PCLO: variants seen among roughly 807,000 people sequenced by gnomAD.
The protein encoded by PCLO is piccolo presynaptic cytomatrix protein, also known as protein piccolo.
In PCLO, 82 loss-of-function variants were observed where a neutral mutation model predicts 427.5. The observed-to-expected ratio is 0.19, with a 90% CI of 0.16 to 0.23. PCLO has a LOEUF of 0.23. Ranked by LOEUF, PCLO falls within the 10% of genes least tolerant of loss-of-function variation. The probability of loss-of-function intolerance (pLI) is 1.00; values close to 1 mark genes in which losing one functional copy is unlikely to be tolerated. For missense variants in PCLO, 6,239 were observed against 6,115.9 expected (o/e 1.02, Z -0.67); for synonymous variants, 2,357 against 2,155.4 (o/e 1.09, Z -2.59).
At chr7:83,065,468 G>T (rs1583977295) in intron 3 of PCLO, among the ~76,000 whole-genome samples, 2 of 125,458 alleles carry the variant, frequency 1.6e-5, no homozygotes, top group Admixed American at 8.2e-5. Flanking sequence ...GTTCTCAAGA[G>T]AACACTTTCC....
intron 22 of PCLO, among the ~76,000 whole-genome samples, chr7:82,787,154 ATAACCAC>A (rs1791002083): frequency 6.6e-6 from 1 of 152,114 alleles, no homozygotes; most frequent in Non-Finnish European, 1.5e-5. Flanking sequence ...TCCTTGAGGA[ATAACCAC>A]ACTGTCTTCC....
In PCLO at chr7:82,953,850, C is replaced by T. The variant is rs2116442964; in HGVS notation, c.7103G>A (p.Gly2368Asp). 1 of 1,613,402 alleles carries T rather than the reference C, an allele frequency of 6.2e-7. No individual in the cohort carries two copies. Among genetic ancestry groups the T allele is most frequent in the East Asian group, 2.2e-5 (1 of 44,822 alleles). The change falls in exon 5 of 25, where the codon GGT (glycine) becomes GAT (aspartate). Residue 2368 changes from glycine to aspartate, a missense_variant. Physicochemically the swap from Gly to Asp is moderately conservative, Grantham distance 94. Coordinates refer to ENST00000333891, the MANE Select transcript of PCLO (RefSeq NM_033026.6). Reference sequence around the variant, plus strand: ...TAACTGAGATGCAGGTTTTTCCTGACCAAAGGTCTCTCCAGATGTAAAGTA... The same window carrying T: ...TAACTGAGATGCAGGTTTTTCCTGATCAAAGGTCTCTCCAGATGTAAAGTA... ...TTYFTSGETF[G>D]QEKPASQLPS...
At chr7:82,841,091 T>C (rs1792355091) in intron 14 of PCLO, among the ~76,000 whole-genome samples, 1 of 151,978 alleles carries the variant, frequency 6.6e-6, no homozygotes, top group Non-Finnish European at 1.5e-5. Context: ...AAAGCAATTT[T>C]TGATTAAAAG....
At chr7:82,889,559 A>G (rs1793709260) in intron 9 of PCLO, among the ~76,000 whole-genome samples, 1 of 152,194 alleles carries the variant, frequency 6.6e-6, no homozygotes, top group African/African-American at 2.4e-5. Context: ...CTGATAAGCA[A>G]TTTGAGAAGA....
chr7:82,975,646 T>C (rs1226764590), intron 3 of PCLO, among the ~76,000 whole-genome samples: 2 of 152,188 alleles, frequency 1.3e-5, no homozygotes, highest in African/African-American at 2.4e-5. Flanking sequence ...CCAGAATCAT[T>C]TGCCCTAAAT....
chr7:82,813,285 T>C (rs992517964), intron 20 of PCLO, among the ~76,000 whole-genome samples: 5 of 151,732 alleles, frequency 3.3e-5, no homozygotes, highest in Non-Finnish European at 5.9e-5. Context: ...AAACAGATTA[T>C]ATTAATGATC....
In PCLO at chr7:82,918,427, C is replaced by A. The variant is rs190131878; in HGVS notation, c.11113-1554G>T. 5.3e-5 allele frequency among the ~76,000 whole-genome samples: 8 copies of A among 152,002 alleles called. 1 individual carries two copies. In the East Asian group the frequency reaches 1.5e-3, roughly 29 times the overall value. ...TAGAAAACTATGGTTTCTTGATTAA[C>A]CCACATTCTAGATCTTTACATATTC... On this transcript the variant is annotated intron_variant, in intron 6 of 24. Transcript: ENST00000333891.
chr7:82,956,999 A>T, intron 4 of PCLO, 64 bp from the exon 5 acceptor site: 1 of 1,428,890 alleles, frequency 7.0e-7, no homozygotes, highest in Non-Finnish European at 9.2e-7. Flanking sequence ...TGGCCTCTCC[A>T]TTACTACCAA....
intron 9 of PCLO, among the ~76,000 whole-genome samples, chr7:82,898,652 C>A (rs1793964734): frequency 6.6e-6 from 1 of 151,352 alleles, no homozygotes; most frequent in African/African-American, 2.4e-5. Context: ...TCTTGTCTCA[C>A]AAAGGCAGCT....
intron 1 of PCLO, among the ~76,000 whole-genome samples, chr7:83,157,104 G>A (rs1052443785): frequency 6.6e-6 from 1 of 152,094 alleles, no homozygotes; most frequent in African/African-American, 2.4e-5. Flanking sequence ...ACAGACGTGG[G>A]CACCTAAAAT....
chr7:82,815,193 A>G (rs917979918), intron 20 of PCLO, among the ~76,000 whole-genome samples: 2 of 152,026 alleles, frequency 1.3e-5, no homozygotes, highest in Non-Finnish European at 2.9e-5. Flanking sequence ...TTTTGGTTAA[A>G]AACGAACAAA....
At chr7:83,014,617 CAA>C (rs530258945) in intron 3 of PCLO, among the ~76,000 whole-genome samples, 2 of 151,716 alleles carry the variant, frequency 1.3e-5, no homozygotes, top group Non-Finnish European at 2.9e-5. Context: ...AAAAAAATCA[CAA>C]AGTCACAAAA....
chr7:82,811,489 A>G (rs1454707004), intron 20 of PCLO, among the ~76,000 whole-genome samples: 4 of 151,448 alleles, frequency 2.6e-5, no homozygotes, highest in Non-Finnish European at 5.9e-5. Flanking sequence ...TTTCTTTTGA[A>G]CGTGGACCTG....
chr7:83,156,189 C>G lies in PCLO; in HGVS notation c.452G>C (p.Ser151Thr). 2 of 1,613,722 alleles carry G rather than the reference C, an allele frequency of 1.2e-6. No individual in the cohort carries two copies. The highest frequency in any genetic ancestry group is 1.7e-6 in the Non-Finnish European group (2 of 1,179,754). The part of the protein sequence containing the change: ...RTDLKEEHKS[S>T]MMPGFLSEVN... ...CTCTGAGAGGAAGCCAGGCATCATA[C>G]TAGACTTGTGCTCTTCCTTTAAATC... Residue 151 changes from serine to threonine, a missense_variant, in exon 2 of 25, where the codon AGT becomes ACT. Physicochemically the swap from Ser to Thr is moderately conservative, Grantham distance 58 (BLOSUM62 1). This residue lies in a region of PCLO where 4,677 missense variants were observed against 4,468.4 expected (regional missense o/e 1.05). Coordinates refer to ENST00000333891, the MANE Select transcript of PCLO (RefSeq NM_033026.6).
At chr7:82,941,865 G>T (rs1235262022) in intron 6 of PCLO, among the ~76,000 whole-genome samples, 1 of 152,052 alleles carries the variant, frequency 6.6e-6, no homozygotes, top group Non-Finnish European at 1.5e-5. Flanking sequence ...AATTAGTAAT[G>T]TTTAGCAATT....
chr7:82,956,456 A>G lies in PCLO; in HGVS notation c.4497T>C (p.Phe1499=). 1 of 1,613,844 alleles carries G rather than the reference A, an allele frequency of 6.2e-7. No individual in the cohort carries two copies. Among genetic ancestry groups the G allele is most frequent in the Non-Finnish European group, 8.5e-7 (1 of 1,179,840 alleles). The part of the protein sequence containing the change: ...SSKDHKEKSE[F]VDDITTRREP... ...CTCTTCTAGTAGTTATGTCATCAAC[A>G]AACTCAGACTTCTCTTTATGGTCCT... The change falls in exon 5 of 25, where the codon TTT becomes TTC. Residue 1499 remains phenylalanine (F), a synonymous_variant. Transcript: ENST00000333891.
intron 3 of PCLO, among the ~76,000 whole-genome samples, chr7:83,103,645 C>A (rs1790787684): frequency 6.6e-6 from 1 of 151,880 alleles, no homozygotes. Context: ...TACTTCATTT[C>A]AATATTGTGT....
At chr7:82,979,628 T>C (rs564262697) in intron 3 of PCLO, among the ~76,000 whole-genome samples, 31 of 152,164 alleles carry the variant, frequency 2.0e-4, no homozygotes, top group Non-Finnish European at 4.0e-4. Flanking sequence ...AGCAAACAGG[T>C]AGATACAGCC....
chr7:82,846,455 T>G (rs757200443), intron 12 of PCLO, 112 bp downstream of exon 12: 36 of 654,232 alleles, frequency 5.5e-5, no homozygotes, highest in Admixed American at 5.1e-4. Flanking sequence ...ACTTTATATT[T>G]GTCTATATCT....
Sources: gnomAD v4.1 joint callset for allele counts (sites outside exome capture counted in the v4.1 genomes callset) on GRCh38, gnomAD v4.1.1 for gene constraint, gnomAD v4.1.1 regional missense constraint, MANE v1.5 for transcripts, NCBI Gene and HGNC (gene_info 2026-07-23, HGNC 2026-07-21) for gene names.